CCDC60: variants seen among roughly 807,000 people sequenced by gnomAD.
The protein encoded by CCDC60 is coiled-coil domain containing 60, also known as coiled-coil domain-containing protein 60.
A neutral mutation model predicts 63.5 loss-of-function variants in CCDC60; 54 were observed. That is an observed-to-expected ratio of 0.85 (90% CI 0.68 to 1.07). The LOEUF (loss-of-function observed/expected upper bound fraction) is 1.07, where lower values mean the gene tolerates loss of function less well. Ranked by LOEUF, CCDC60 falls within the 50% of genes least tolerant of loss-of-function variation. The pLI is 0.00. For synonymous variants in CCDC60, 206 were observed against 238.8 expected (o/e 0.86, Z 1.27); for missense variants, 651 against 684.3 (o/e 0.95, Z 0.54).
chr12:119,507,003 C>T lies in CCDC60; in HGVS notation c.883+1700C>T, dbSNP rs113192373. 4.7e-4 allele frequency among the ~76,000 whole-genome samples: 71 copies of T among 152,232 alleles called. No individual in the cohort carries two copies. In the South Asian group the frequency reaches 0.014, roughly 30 times the overall value. The stretch of plus-strand genomic sequence containing the variant: ...TGATGCACGGGACATCTTCCTGCTT[C>T]CTCCCCATCTGCTGTGTCCCCTCAG... On this transcript the variant is annotated intron_variant, in intron 7 of 13. Transcript: ENST00000327554.
intron 2 of CCDC60, among the ~76,000 whole-genome samples, chr12:119,465,650 C>G (rs1338330536): frequency 6.6e-6 from 1 of 151,826 alleles, no homozygotes; most frequent in Non-Finnish European, 1.5e-5. Context: ...CCCAGCTACT[C>G]AGGAGGCTGA....
intron 1 of CCDC60, among the ~76,000 whole-genome samples, chr12:119,413,370 C>T (rs1956640753): frequency 6.6e-6 from 1 of 152,202 alleles, no homozygotes; most frequent in Non-Finnish European, 1.5e-5. Flanking sequence ...GCGCCACCTA[C>T]TGTTATATCG....
intron 1 of CCDC60, among the ~76,000 whole-genome samples, chr12:119,390,052 A>G (rs990598338): frequency 2.6e-5 from 4 of 152,216 alleles, no homozygotes; most frequent in Non-Finnish European, 4.4e-5. Context: ...TAAATAGGTC[A>G]TCAAATCTCT....
chr12:119,482,698 C>G (rs989125894), intron 4 of CCDC60, among the ~76,000 whole-genome samples: 29 of 152,126 alleles, frequency 1.9e-4, no homozygotes, highest in African/African-American at 5.3e-4. Flanking sequence ...CATGGAGTGG[C>G]TTAAAACAAC....
intron 2 of CCDC60, among the ~76,000 whole-genome samples, chr12:119,452,788 GTAGAGT>G (rs750549183): frequency 4.0e-5 from 6 of 151,820 alleles, no homozygotes; most frequent in Non-Finnish European, 5.9e-5. Context: ...CAATTTTTTG[GTAGAGT>G]TAGAGTTAGA....
At chr12:119,339,599 C>A (rs1414973853) in intron 1 of CCDC60, among the ~76,000 whole-genome samples, 1 of 152,122 alleles carries the variant, frequency 6.6e-6, no homozygotes, top group African/African-American at 2.4e-5. Context: ...CAAGCCTGGG[C>A]ACTAAAGTGA....
chr12:119,350,613 G>C (rs1955646679), intron 1 of CCDC60, among the ~76,000 whole-genome samples: 1 of 152,130 alleles, frequency 6.6e-6, no homozygotes, highest in South Asian at 2.1e-4. Context: ...GCCATAAAAT[G>C]GTTCTATTCT....
chr12:119,378,969 G>A (rs754370799), intron 1 of CCDC60, among the ~76,000 whole-genome samples: 1 of 152,282 alleles, frequency 6.6e-6, no homozygotes, highest in Admixed American at 6.5e-5. Flanking sequence ...AACACATTCT[G>A]GTGGGTCTGG....
intron 2 of CCDC60, among the ~76,000 whole-genome samples, chr12:119,470,188 T>C (rs945194804): frequency 2.0e-5 from 3 of 152,220 alleles, no homozygotes; most frequent in African/African-American, 7.2e-5. Context: ...GTTCTACTGG[T>C]GAATTCCTAC....
In CCDC60 at chr12:119,505,148, G is replaced by A. The variant is rs750397643; in HGVS notation, c.728G>A (p.Arg243Gln). ...CGAGGCTCCACACTCAGTCTGAGTC[G>A]GGCCAGTGGGGGGTCCTCTCCCCAG... is the stretch of plus-strand genomic sequence containing the variant. ...SRRGSTLSLS[R>Q]ASGGSSPQSS... The change falls in exon 7 of 14, where the codon CGG becomes CAG. Residue 243 changes from arginine (R) to glutamine (Q), a missense_variant. Transcript: ENST00000327554. 22 of 1,613,978 alleles carry A rather than the reference G, an allele frequency of 1.4e-5. 1 individual carries two copies. Among genetic ancestry groups the A allele is most frequent in the Middle Eastern group, 1.7e-4 (1 of 6,060 alleles).
At chr12:119,353,726 G>A (rs1214376966) in intron 1 of CCDC60, among the ~76,000 whole-genome samples, 1 of 147,424 alleles carries the variant, frequency 6.8e-6, no homozygotes, top group Non-Finnish European at 1.5e-5. Context: ...TCCTGCCTCA[G>A]CCTCCCAAGT....
At chr12:119,515,055 G>GT (rs1341059291) in intron 7 of CCDC60, among the ~76,000 whole-genome samples, 1 of 152,222 alleles carries the variant, frequency 6.6e-6, no homozygotes, top group Non-Finnish European at 1.5e-5. Context: ...CAGGTGTATA[G>GT]TAAGCTATGC....
intron 1 of CCDC60, among the ~76,000 whole-genome samples, chr12:119,405,184 C>A (rs890112811): frequency 2.6e-5 from 4 of 152,200 alleles, no homozygotes. Context: ...TGCTAACAAC[C>A]AAGAGGAAGG....
chr12:119,518,079 C>T (rs1952402579), intron 8 of CCDC60, among the ~76,000 whole-genome samples: 1 of 152,180 alleles, frequency 6.6e-6, no homozygotes, highest in African/African-American at 2.4e-5. Context: ...CACACCTCGC[C>T]TCTGCTTGTG....
At chr12:119,514,707 A>C (rs1006080906) in intron 7 of CCDC60, among the ~76,000 whole-genome samples, 6 of 152,212 alleles carry the variant, frequency 3.9e-5, no homozygotes, top group Admixed American at 6.5e-5. Context: ...TTGAAGAAAG[A>C]AAAATATTTT....
At chr12:119,399,742 C>T (rs983930435) in intron 1 of CCDC60, among the ~76,000 whole-genome samples, 1 of 152,168 alleles carries the variant, frequency 6.6e-6, no homozygotes, top group African/African-American at 2.4e-5. Flanking sequence ...CCTCCCACAT[C>T]GCACCCTGTG....
intron 13 of CCDC60, among the ~76,000 whole-genome samples, chr12:119,536,763 T>C (rs1027642332): frequency 4.6e-5 from 7 of 152,220 alleles, no homozygotes; most frequent in South Asian, 4.1e-4. Flanking sequence ...TTCTGGCTTG[T>C]AGAGTTTCTG....
intron 1 of CCDC60, among the ~76,000 whole-genome samples, chr12:119,423,346 C>A (rs779619630): frequency 6.6e-6 from 1 of 152,188 alleles, no homozygotes; most frequent in East Asian, 1.9e-4. Context: ...CCCAAAGTGG[C>A]CTGGGGCCAA....
chr12:119,518,780 C>T (rs1952419545), intron 8 of CCDC60, among the ~76,000 whole-genome samples: 1 of 152,140 alleles, frequency 6.6e-6, no homozygotes, highest in Non-Finnish European at 1.5e-5. Context: ...ATGGAATCTT[C>T]TCCTGCTGAG....
Sources: allele counts gnomAD v4.1 joint callset (sites outside exome capture counted in the v4.1 genomes callset), GRCh38; gene constraint gnomAD v4.1.1; transcripts MANE v1.5; gene names NCBI Gene and HGNC (gene_info 2026-07-23, HGNC 2026-07-21).